UBA3: variants seen among roughly 807,000 people sequenced by gnomAD.
UBA3 encodes ubiquitin like modifier activating enzyme 3.
UBA3 carries 26 observed loss-of-function variants against 73.5 expected under a neutral mutation model. That is an observed-to-expected ratio of 0.35 (90% CI 0.26 to 0.49). The LOEUF (loss-of-function observed/expected upper bound fraction) is 0.49. UBA3 is among the 20% of genes least tolerant of loss of function. The probability of loss-of-function intolerance (pLI) is 0.98; values close to 1 mark genes in which losing one functional copy is unlikely to be tolerated. For missense variants in UBA3, 495 were observed against 555.6 expected, an observed-to-expected ratio of 0.89 and a Z score of 1.10; for synonymous variants, 217 against 191.2, an observed-to-expected ratio of 1.13 and a Z score of -1.11.
chr3:69,062,725 G>A (rs2092031990), intron 9 of UBA3, among the ~76,000 whole-genome samples: 1 of 152,088 alleles, frequency 6.6e-6, no homozygotes, highest in Non-Finnish European at 1.5e-5. Flanking sequence ...ATACAACTTT[G>A]TAATTCTACT....
intron 5 of UBA3, among the ~76,000 whole-genome samples, chr3:69,068,855 G>C (rs899909763): frequency 1.3e-5 from 2 of 152,232 alleles, no homozygotes; most frequent in Non-Finnish European, 2.9e-5. Flanking sequence ...ACAGGCATGA[G>C]CCACCATGCC....
Position 69,055,521 on chromosome 3 carries a change from C to T in UBA3, c.1308G>A (p.Leu436=). 1 of 1,578,972 alleles carries T rather than the reference C, an allele frequency of 6.3e-7. No individual in the cohort carries two copies. Among genetic ancestry groups the T allele is most frequent in the Non-Finnish European group, 8.5e-7 (1 of 1,169,886 alleles). ...RPNLSKTLKE[L]GLVDGQELAV... is the part of the protein sequence containing the mutation. ...CCAGTTCTTGTCCATCAACAAGCCC[C>T]AATTCTAAAACAGAAAAAATATTAT... The change falls in exon 18 of 18, where the codon TTG becomes TTA. Residue 436 remains leucine, a synonymous_variant. Transcript: ENST00000361055.
chr3:69,055,189 A>C lies in UBA3; in HGVS notation c.*248T>G. On this transcript the variant is annotated 3_prime_UTR_variant, in exon 18 of 18. Coordinates refer to ENST00000361055, the MANE Select transcript of UBA3 (RefSeq NM_003968.4). Reference sequence around the variant, plus strand: ...GGTTGTATGCTTCCTCCTCTAAAAGAAGCAATACATTTGCTCATAATCTCT... The same window carrying C: ...GGTTGTATGCTTCCTCCTCTAAAAGCAGCAATACATTTGCTCATAATCTCT... 1 of 284,892 alleles carries C rather than the reference A, an allele frequency of 3.5e-6. No homozygotes were observed. 17.6% of individuals were successfully genotyped at this position (284,892 alleles called of 1,614,324 possible). A position where few individuals can be genotyped will look rare whatever the true frequency, so the allele number is the denominator to read the frequency against.
At chr3:69,070,693 C>G (rs1342411173) in intron 5 of UBA3, among the ~76,000 whole-genome samples, 4 of 152,142 alleles carry the variant, frequency 2.6e-5, no homozygotes, top group Admixed American at 6.5e-5. Context: ...CGCTCTGTTG[C>G]CCAGGCTGGA....
At chr3:69,070,237 G>A (rs955489165) in intron 5 of UBA3, among the ~76,000 whole-genome samples, 7 of 151,948 alleles carry the variant, frequency 4.6e-5, no homozygotes, top group African/African-American at 1.5e-4. Flanking sequence ...CTATAGAGAA[G>A]GGAAATTTCA....
intron 12 of UBA3, among the ~76,000 whole-genome samples, 198 bp from the exon 13 acceptor site, chr3:69,057,013 CTTGT>C (rs1299126405): frequency 1.1e-4 from 16 of 152,106 alleles, no homozygotes; most frequent in Non-Finnish European, 2.2e-4. Context: ...ACATGTTTTT[CTTGT>C]TTATCAGATT....
chr3:69,079,729 G>C, intron 2 of UBA3: 1 of 241,656 alleles, frequency 4.1e-6, no homozygotes, highest in South Asian at 8.1e-5. Flanking sequence ...TTTGCAAAAG[G>C]CCACAAAACG....
Position 69,061,879 on chromosome 3 carries a change from A to T in UBA3, c.845T>A (p.Phe282Tyr). 6.2e-7 allele frequency: 1 copy of T among 1,611,994 alleles called. No homozygotes were observed. The highest frequency in any genetic ancestry group is 2.2e-5 in the East Asian group (1 of 44,822). ...GDDPEHIQWI[F>Y]QKSLERASQY... Reference sequence around the variant, plus strand: ...TGATGCTCTCTCTAGGGATTTTTGGAAAATCCATTGTATATGTTCAGGATC... The same window carrying T: ...TGATGCTCTCTCTAGGGATTTTTGGTAAATCCATTGTATATGTTCAGGATC... Residue 282 changes from phenylalanine (F) to tyrosine (Y), a missense_variant, in exon 11 of 18, where the codon TTC (phenylalanine) becomes TAC (tyrosine). Coordinates refer to ENST00000361055, the MANE Select transcript of UBA3 (RefSeq NM_003968.4).
chr3:69,076,256 G>A (rs1227155096), intron 3 of UBA3: 1 of 152,158 alleles, frequency 6.6e-6, no homozygotes, highest in Non-Finnish European at 1.5e-5. Context: ...AAGAGTAACA[G>A]GGCTGGGCAC....
chr3:69,068,134 G>T, intron 5 of UBA3, 126 bp from the exon 6 acceptor site: 1 of 635,716 alleles, frequency 1.6e-6, no homozygotes, highest in South Asian at 3.3e-5. Context: ...GAATATTTTT[G>T]CCTAAGTATT....
At chr3:69,076,330 G>C (rs571014130) in intron 3 of UBA3, 40 of 152,288 alleles carry the variant, frequency 2.6e-4, no homozygotes, top group Admixed American at 1.3e-3. Flanking sequence ...CCTGAGGTCA[G>C]GAAAGACCAG....
intron 4 of UBA3, among the ~76,000 whole-genome samples, chr3:69,072,726 A>C (rs966011668): frequency 1.3e-5 from 2 of 152,206 alleles, no homozygotes; most frequent in African/African-American, 4.8e-5. Flanking sequence ...CAGACATCTC[A>C]GACTTAACAG....
chr3:69,066,168 T>A (rs1428670501), intron 6 of UBA3, among the ~76,000 whole-genome samples: 1 of 152,164 alleles, frequency 6.6e-6, no homozygotes, highest in East Asian at 1.9e-4. Flanking sequence ...ATTATTTTAA[T>A]TTTTTAGAGA....
chr3:69,080,337 T>A lies in UBA3; in HGVS notation c.17A>T (p.Glu6Val). ...TCTGCAGAGCCCCGGTACTTACGGCTCCTCGCCATCCGCCATATTGTTCTC... is the reference window on the plus strand; with the variant it reads ...TCTGCAGAGCCCCGGTACTTACGGCACCTCGCCATCCGCCATATTGTTCTC... MADGEEPEKKRRRIEE... is the reference protein window; with the variant it reads MADGEVPEKKRRRIEE... The change falls in exon 1 of 18, where the codon GAG becomes GTG. Residue 6 changes from glutamate to valine, a missense_variant. Physicochemically the swap from Glu to Val is moderately radical, Grantham distance 121 (BLOSUM62 -2). Transcript: ENST00000361055. 2 of 1,597,774 alleles carry A rather than the reference T, an allele frequency of 1.3e-6. No individual in the cohort carries two copies. The highest frequency in any genetic ancestry group is 2.1e-4 in the Middle Eastern group (1 of 4,724).
Position 69,055,489 on chromosome 3 carries a change from G to A in UBA3, c.1340C>T (p.Ala447Val). The change falls in exon 18 of 18, where the codon GCT (alanine) becomes GTT (valine). Residue 447 changes from alanine (A) to valine (V), a missense_variant. Ala to Val is a moderately conservative substitution (Grantham distance 64). Transcript: ENST00000361055. The stretch of plus-strand genomic sequence containing the variant: ...TACAGTCTGTGGGGTGGTGACATCA[G>A]CAACCGCCAGTTCTTGTCCATCAAC... ...GLVDGQELAV[A>V]DVTTPQTVLF... The A allele has an allele frequency of 6.3e-7, 1 of 1,575,502 alleles. No homozygotes were observed. The highest frequency in any genetic ancestry group is 8.6e-7 in the Non-Finnish European group (1 of 1,169,556).
rs568463879 is a variant in UBA3 at position 69,069,620 on chromosome 3, C to G, written c.348-1612G>C. 7.3e-4 allele frequency among the ~76,000 whole-genome samples: 111 copies of G among 152,286 alleles called. 2 individuals carry two copies. Among genetic ancestry groups the G allele is most frequent in the African/African-American group, 2.4e-3 (101 of 41,568 alleles). On this transcript the variant is annotated intron_variant, in intron 5 of 17. Coordinates refer to ENST00000361055, the MANE Select transcript of UBA3 (RefSeq NM_003968.4). ...GTGATTACAGGCATGAGCCACCATGCCAGGCCAATTTTTTTTCTCTCCAAT... is the reference window on the plus strand; with the variant it reads ...GTGATTACAGGCATGAGCCACCATGGCAGGCCAATTTTTTTTCTCTCCAAT...
intron 11 of UBA3, among the ~76,000 whole-genome samples, chr3:69,058,079 C>T (rs531168292): frequency 5.3e-5 from 8 of 151,966 alleles, no homozygotes; most frequent in East Asian, 1.9e-4. Context: ...TACAGGGGCC[C>T]GCCACCACGC....
intron 4 of UBA3, among the ~76,000 whole-genome samples, chr3:69,072,678 GTGAT>G (rs1467795428): frequency 6.6e-6 from 1 of 152,116 alleles, no homozygotes; most frequent in African/African-American, 2.4e-5. Flanking sequence ...CTTTGTTCTG[GTGAT>G]CTCAGACCAT....
intron 5 of UBA3, among the ~76,000 whole-genome samples, chr3:69,070,074 G>A (rs1045300852): frequency 6.6e-6 from 1 of 152,124 alleles, no homozygotes; most frequent in African/African-American, 2.4e-5. Flanking sequence ...TAGTTTAGAA[G>A]TACTTGCTAC....
Sources: gnomAD v4.1 joint callset for allele counts (sites outside exome capture counted in the v4.1 genomes callset) on GRCh38, gnomAD v4.1.1 for gene constraint, MANE v1.5 for transcripts, NCBI Gene and HGNC (gene_info 2026-07-23, HGNC 2026-07-21) for gene names.